RAB38: variants seen among roughly 807,000 people sequenced by gnomAD.
RAB38 encodes the protein ras-related protein Rab-38.
A neutral mutation model predicts 18.4 loss-of-function variants in RAB38; 15 were observed. That is an observed-to-expected ratio of 0.82 (90% confidence interval 0.55 to 1.26). The LOEUF is 1.26. Ranked by LOEUF, RAB38 falls within the 50% of genes most tolerant of loss-of-function variation. The pLI is 0.00. For missense variants in RAB38, 294 were observed against 267.4 expected (o/e 1.10, Z -0.69); for synonymous variants, 101 against 104.4 (o/e 0.97, Z 0.20).
the RAB38 span, among the ~76,000 whole-genome samples, chr11:88,028,698 G>A: frequency 6.6e-6 from 1 of 152,132 alleles, no homozygotes; most frequent in Non-Finnish European, 1.5e-5. Flanking sequence ...AAAAAGAAAT[G>A]AACAAAGCCT....
At chr11:88,019,683 C>G in the RAB38 span, among the ~76,000 whole-genome samples, 1 of 152,120 alleles carries the variant, frequency 6.6e-6, no homozygotes, top group African/African-American at 2.4e-5. Context: ...CTTTGAATAC[C>G]TCCCAGATGC....
At chr11:87,810,803 GGA>G in the RAB38 span, among the ~76,000 whole-genome samples, 1 of 18,270 alleles carries the variant, frequency 5.5e-5, no homozygotes, top group Admixed American at 5.3e-4. Context: ...ATGAATAGAA[GGA>G]AAAAAAAAAA....
chr11:88,053,248 TATATATGGAATATATATATACACACAC>T, the RAB38 span, among the ~76,000 whole-genome samples: 1 of 100,986 alleles, frequency 9.9e-6, no homozygotes. Flanking sequence ...TATACACACA[TATATATGGAATATATATATACACACAC>T]ATATATATGG....
chr11:88,111,990 T>C (rs984186922), downstream of RAB38, among the ~76,000 whole-genome samples: 6 of 152,190 alleles, frequency 3.9e-5, no homozygotes, highest in African/African-American at 1.4e-4. Flanking sequence ...ATTTATAAGC[T>C]TCAAGGAGCC....
chr11:88,019,441 C>T, the RAB38 span, among the ~76,000 whole-genome samples: 1 of 152,196 alleles, frequency 6.6e-6, no homozygotes, highest in Non-Finnish European at 1.5e-5. Context: ...TAATGGTTGC[C>T]AGGACCCCTG....
At chr11:88,070,994 G>A in the RAB38 span, among the ~76,000 whole-genome samples, 2 of 152,156 alleles carry the variant, frequency 1.3e-5, no homozygotes, top group Non-Finnish European at 2.9e-5. Context: ...TAATATGAAC[G>A]TTTAAAATGA....
the RAB38 span, among the ~76,000 whole-genome samples, chr11:88,026,507 G>T: frequency 7.1e-6 from 1 of 141,248 alleles, no homozygotes. Context: ...AGGTTGCAGT[G>T]AGCCAAGATC....
At chr11:87,895,746 C>G in the RAB38 span, among the ~76,000 whole-genome samples, 1 of 151,520 alleles carries the variant, frequency 6.6e-6, no homozygotes, top group East Asian at 2.0e-4. Context: ...TTTGAAAACC[C>G]ACTTTGTGCT....
chr11:88,076,851 C>A, the RAB38 span, among the ~76,000 whole-genome samples: 1 of 146,916 alleles, frequency 6.8e-6, no homozygotes. Flanking sequence ...CCCAGCTACT[C>A]AGGAGGCTGA....
chr11:87,959,027 T>G, the RAB38 span, among the ~76,000 whole-genome samples: 7 of 152,158 alleles, frequency 4.6e-5, no homozygotes, highest in Non-Finnish European at 1.0e-4. Flanking sequence ...TCTGCGGAAC[T>G]GAAAGCTGTG....
the RAB38 span, among the ~76,000 whole-genome samples, chr11:88,025,648 T>C: frequency 2.6e-5 from 4 of 152,246 alleles, no homozygotes; most frequent in African/African-American, 9.6e-5. Context: ...ATTTTTTTCA[T>C]ATGTATGTTG....
At chr11:87,929,126 GAAA>G in the RAB38 span, among the ~76,000 whole-genome samples, 1 of 151,730 alleles carries the variant, frequency 6.6e-6, no homozygotes, top group Admixed American at 6.6e-5. Flanking sequence ...AAAAAAACAA[GAAA>G]AAAAGTAAAA....
At chr11:88,065,438 C>A in the RAB38 span, among the ~76,000 whole-genome samples, 1 of 152,174 alleles carries the variant, frequency 6.6e-6, no homozygotes, top group Non-Finnish European at 1.5e-5. Context: ...GTGCTGAAAG[C>A]AACAGAGAAA....
At chr11:88,084,163 T>C in the RAB38 span, among the ~76,000 whole-genome samples, 1 of 151,842 alleles carries the variant, frequency 6.6e-6, no homozygotes, top group Non-Finnish European at 1.5e-5. Context: ...ACAATAAGGC[T>C]TAATGCAAGT....
At chr11:88,067,646 G>A in the RAB38 span, among the ~76,000 whole-genome samples, 1 of 152,058 alleles carries the variant, frequency 6.6e-6, no homozygotes, top group Admixed American at 6.6e-5. Context: ...TAGAGAAGTT[G>A]AGCATCAGAG....
the RAB38 span, among the ~76,000 whole-genome samples, chr11:88,069,842 GT>G: frequency 0.77 from 116,898 of 150,896 alleles, 45,522 homozygotes; most frequent in African/African-American, 0.85. Context: ...AATCTAGTGG[GT>G]TACTTGGAGA....
the RAB38 span, among the ~76,000 whole-genome samples, chr11:87,821,879 T>C: frequency 6.6e-6 from 1 of 150,988 alleles, no homozygotes; most frequent in African/African-American, 2.4e-5. Context: ...TAATACAGTA[T>C]TGGGGATTCA....
chr11:88,017,170 G>A, the RAB38 span, among the ~76,000 whole-genome samples: 1 of 152,046 alleles, frequency 6.6e-6, no homozygotes, highest in Non-Finnish European at 1.5e-5. Context: ...ATGGACATGA[G>A]AGAGGAAAGG....
the RAB38 span, among the ~76,000 whole-genome samples, chr11:88,027,295 C>G: frequency 6.6e-6 from 1 of 152,076 alleles, no homozygotes; most frequent in Non-Finnish European, 1.5e-5. Context: ...GTGTGAGCGA[C>G]GCAGAAGACG....
Sources: allele counts gnomAD v4.1 joint callset (sites outside exome capture counted in the v4.1 genomes callset), GRCh38; gene constraint gnomAD v4.1.1; transcripts MANE v1.5; gene names NCBI Gene and HGNC (gene_info 2026-07-23, HGNC 2026-07-21).